DACH1: variants seen among roughly 807,000 people sequenced by gnomAD.
DACH1 encodes dachshund family transcription factor 1.
A neutral mutation model predicts 54.2 loss-of-function variants in DACH1; 12 were observed. The ratio of observed to expected loss-of-function variants is 0.22; its 90% CI spans 0.14 to 0.36. The LOEUF is 0.36. DACH1 is among the 10% of genes least tolerant of loss of function. The pLI, the probability that DACH1 is intolerant of heterozygous loss-of-function variation, is 1.00. For synonymous variants in DACH1, 386 were observed against 366.2 expected, an observed-to-expected ratio of 1.05 and a Z score of -0.62; for missense variants, 805 against 929.8, an observed-to-expected ratio of 0.87 and a Z score of 1.75.
intron 3 of DACH1, 107 bp downstream of exon 3, chr13:71,630,449 A>G: frequency 3.5e-6 from 5 of 1,435,368 alleles, no homozygotes; most frequent in Non-Finnish European, 4.6e-6. Flanking sequence ...TCAAGCTAAA[A>G]GTGCCAACTT....
At chr13:71,607,856 A>G (rs1294930715) in intron 3 of DACH1, among the ~76,000 whole-genome samples, 1 of 152,094 alleles carries the variant, frequency 6.6e-6, no homozygotes, top group Non-Finnish European at 1.5e-5. Context: ...GAACAGTGTC[A>G]TAAAAAATAA....
At chr13:71,685,181 G>A (rs981772700) in intron 1 of DACH1, among the ~76,000 whole-genome samples, 8 of 152,174 alleles carry the variant, frequency 5.3e-5, no homozygotes, top group African/African-American at 4.8e-5. Context: ...TTTAATTCAC[G>A]CTGTGATTAG....
intron 5 of DACH1, among the ~76,000 whole-genome samples, chr13:71,558,564 G>T (rs1238787255): frequency 6.6e-6 from 1 of 151,332 alleles, no homozygotes; most frequent in Non-Finnish European, 1.5e-5. Flanking sequence ...CCTTTCCAAT[G>T]ACAATATCTT....
At chr13:71,525,354 T>A (rs1347701058) in intron 6 of DACH1, among the ~76,000 whole-genome samples, 6 of 152,080 alleles carry the variant, frequency 3.9e-5, no homozygotes, top group Non-Finnish European at 8.8e-5. Context: ...AAATCTTTTT[T>A]AAAAAAATCC....
chr13:71,656,112 T>C (rs1298901376), intron 2 of DACH1, among the ~76,000 whole-genome samples: 1 of 152,204 alleles, frequency 6.6e-6, no homozygotes, highest in East Asian at 1.9e-4. Flanking sequence ...ACACTGGTCT[T>C]GCGTCTTTTT....
chr13:71,602,522 C>T (rs1278668377), intron 3 of DACH1, among the ~76,000 whole-genome samples: 1 of 151,900 alleles, frequency 6.6e-6, no homozygotes, highest in African/African-American at 2.4e-5. Context: ...CTTTGTCCGC[C>T]ATGGGAGCAA....
intron 2 of DACH1, among the ~76,000 whole-genome samples, chr13:71,659,989 G>C (rs980643473): frequency 6.6e-6 from 1 of 152,050 alleles, no homozygotes; most frequent in Non-Finnish European, 1.5e-5. Flanking sequence ...ACCCATTCAA[G>C]AACCAATATC....
chr13:71,573,089 T>C (rs1885317574), intron 3 of DACH1, 77 bp from the exon 4 acceptor site: 11 of 1,392,390 alleles, frequency 7.9e-6, no homozygotes, highest in Middle Eastern at 4.2e-4. Context: ...AAAAGTTTTC[T>C]AATAATGGTA....
chr13:71,731,474 G>A (rs1035617366), intron 1 of DACH1, among the ~76,000 whole-genome samples: 4 of 151,916 alleles, frequency 2.6e-5, no homozygotes, highest in East Asian at 1.9e-4. Context: ...TAATAGAGAT[G>A]GGGTTTCACC....
chr13:71,866,212 A>T lies in DACH1; in HGVS notation c.558T>A (p.Asn186Lys). 6.2e-7 allele frequency: 1 copy of T among 1,612,186 alleles called. No individual in the cohort carries two copies. Residue 186 changes from asparagine to lysine, a missense_variant, in exon 1 of 11, where the codon AAT becomes AAA. Asn to Lys is a moderately conservative substitution (Grantham distance 94). Around this residue, in one of 3 missense-constraint regions of DACH1, gnomAD observed 305 missense variants for 308.7 expected, o/e 0.99. Transcript: ENST00000613252. The part of the protein sequence containing the change: ...PSPVENTPQN[N>K]ECKMVDLRGA... The stretch of plus-strand genomic sequence containing the variant: ...CCCTCAGATCCACCATTTTGCACTC[A>T]TTATTCTGAGGGGTGTTTTCCACTG...
intron 3 of DACH1, among the ~76,000 whole-genome samples, chr13:71,575,265 T>C (rs963196810): frequency 2.6e-5 from 4 of 152,022 alleles, no homozygotes; most frequent in African/African-American, 9.6e-5. Context: ...ATTTTCTCTA[T>C]ATTTTATACT....
At chr13:71,660,753 T>G (rs1389957905) in intron 2 of DACH1, among the ~76,000 whole-genome samples, 1 of 151,914 alleles carries the variant, frequency 6.6e-6, no homozygotes, top group Non-Finnish European at 1.5e-5. Context: ...TGTTAGATTA[T>G]GTTAGGAATT....
intron 2 of DACH1, among the ~76,000 whole-genome samples, chr13:71,661,144 C>T (rs1446958764): frequency 6.6e-6 from 1 of 151,126 alleles, no homozygotes; most frequent in African/African-American, 2.4e-5. Context: ...TGCTTAAACA[C>T]ACATACACAC....
chr13:71,754,495 G>A (rs1885059090), intron 1 of DACH1, among the ~76,000 whole-genome samples: 1 of 152,112 alleles, frequency 6.6e-6, no homozygotes, highest in African/African-American at 2.4e-5. Context: ...GAACTATGAA[G>A]TAGGTCAGCA....
chr13:71,828,896 T>C (rs1385746286), intron 1 of DACH1, among the ~76,000 whole-genome samples: 2 of 151,886 alleles, frequency 1.3e-5, no homozygotes, highest in Admixed American at 1.3e-4. Context: ...GTTGCCATGC[T>C]TGTACTCACT....
At chr13:71,489,240 A>T (rs1384947055) in intron 6 of DACH1, 92 bp from the exon 7 acceptor site, 28 of 1,386,938 alleles carry the variant, frequency 2.0e-5, no homozygotes, top group South Asian at 4.5e-5. Flanking sequence ...TTTCCAGAAC[A>T]TTTATTGCAA....
chr13:71,612,602 C>T (rs979274644), intron 3 of DACH1, among the ~76,000 whole-genome samples: 3 of 152,244 alleles, frequency 2.0e-5, no homozygotes, highest in East Asian at 1.9e-4. Context: ...AAGCAAAAAA[C>T]GATCTTCTCT....
intron 1 of DACH1, among the ~76,000 whole-genome samples, chr13:71,849,827 C>G (rs9572807): frequency 7.9e-5 from 12 of 152,252 alleles, no homozygotes; most frequent in Admixed American, 4.6e-4. Flanking sequence ...AACTCATTCA[C>G]TTAGTTTCTA....
At chr13:71,533,399 T>C (rs1566321492) in intron 6 of DACH1, among the ~76,000 whole-genome samples, 2 of 151,978 alleles carry the variant, frequency 1.3e-5, no homozygotes, top group Non-Finnish European at 2.9e-5. Flanking sequence ...TTTATATCTT[T>C]TAGGACAAAA....
Sources: gnomAD v4.1 joint callset for allele counts (sites outside exome capture counted in the v4.1 genomes callset) on GRCh38, gnomAD v4.1.1 for gene constraint, gnomAD v4.1.1 regional missense constraint, MANE v1.5 for transcripts, NCBI Gene and HGNC (gene_info 2026-07-23, HGNC 2026-07-21) for gene names.